The following RPS15A variants were observed in gnomAD, a reference collection of about 807,000 sequenced individuals.
RPS15A encodes the protein small ribosomal subunit protein uS8.
For missense variants in RPS15A, 62 were observed against 163.4 expected (o/e 0.38, Z 3.38); for synonymous variants, 55 against 58.5 (o/e 0.94, Z 0.27).
intron 1 of RPS15A, 45 bp from the exon 2 acceptor site, chr16:18,789,163 C>G: frequency 6.4e-7 from 1 of 1,567,536 alleles, no homozygotes; most frequent in South Asian, 1.2e-5. Context: ...GCATTGCCAA[C>G]ATCAACAGAC....
chr16:18,783,731 C>G (rs1039820118), intron 4 of RPS15A: 2 of 455,886 alleles, frequency 4.4e-6, no homozygotes, highest in Non-Finnish European at 8.8e-6. Flanking sequence ...CACAAAGATA[C>G]ACATTTACTG....
At chr16:18,788,943 T>A (rs368067259) in intron 2 of RPS15A, 38 bp downstream of exon 2, 46 of 1,591,444 alleles carry the variant, frequency 2.9e-5, no homozygotes, top group Non-Finnish European at 3.8e-5. Context: ...TTAGAGAGTC[T>A]CACATGAAAA....
In RPS15A at chr16:18,784,832, TAAC is replaced by T. The variant is rs762572023; in HGVS notation, c.214-12_214-10del. ...GGGCTGATCACCCCACACTATAAAA[TAAC>T]AACAACAACAAAAACATTCTTCACT... On this transcript the variant is annotated splice_polypyrimidine_tract_variant and intron_variant, in intron 3 of 4. Transcript: ENST00000322989. 1.8e-4 allele frequency: 288 copies of T among 1,585,296 alleles called. 1 individual carries two copies. The East Asian group carries it at 2.3e-3, about 13-fold the overall frequency.
At chr16:18,786,806 T>C (rs2029893267) in intron 3 of RPS15A, 1 of 152,092 alleles carries the variant, frequency 6.6e-6, no homozygotes, top group Non-Finnish European at 1.5e-5. Context: ...TCAATCCTAT[T>C]TTGAGGTGGG....
intron 4 of RPS15A, chr16:18,784,485 A>G (rs1904015733): frequency 2.6e-6 from 1 of 384,976 alleles, no homozygotes; most frequent in Non-Finnish European, 4.6e-6. Context: ...ACCTCAGGTG[A>G]TCCGCCTGCC....
chr16:18,784,206 G>C (rs1437644196), intron 4 of RPS15A: 1 of 153,258 alleles, frequency 6.5e-6, no homozygotes, highest in African/African-American at 2.4e-5. Context: ...CCGCACCTGT[G>C]AACAGCCACT....
At position 18,790,260 on chromosome 16, in the gene RPS15A, G is replaced by C. The variant is rs184339785; in HGVS notation, c.-22C>G. 6.6e-6 allele frequency: 1 copy of C among 152,358 alleles called. No homozygotes were observed. 9.4% of individuals were successfully genotyped at this position (152,358 alleles called of 1,614,324 possible). The stretch of plus-strand genomic sequence containing the variant: ...AGACCGAACCTTAGATTGCAGGATG[G>C]CGCCGATGGCAGACGGATGAAATTG... On this transcript the variant is annotated 5_prime_UTR_variant, in exon 1 of 5. Transcript: ENST00000322989.
At chr16:18,789,593 C>T (rs1445729836) in intron 1 of RPS15A, among the ~76,000 whole-genome samples, 1 of 152,208 alleles carries the variant, frequency 6.6e-6, no homozygotes, top group African/African-American at 2.4e-5. Context: ...TAAATCAGTT[C>T]ACTCTCACCT....
intron 3 of RPS15A, chr16:18,785,816 T>C: frequency 6.6e-6 from 1 of 152,198 alleles, no homozygotes; most frequent in Non-Finnish European, 1.5e-5. Context: ...GTGAAAGATC[T>C]TTCCAAAGTC....
rs1903981802 is a variant in RPS15A, at chr16:18,782,574, T to C, written c.*435A>G. On this transcript the variant is annotated 3_prime_UTR_variant, in exon 5 of 5. Transcript: ENST00000322989. ...CCTGTCTCTACTAAAATATAAAAAT[T>C]AGCCGGATGTGGCGACACACACTTG... 1.3e-5 allele frequency: 2 copies of C among 154,380 alleles called. No homozygotes were observed. The allele number at this position is 154,380 out of a possible 1,614,324, so 9.6% of individuals were successfully genotyped here.
chr16:18,784,115 C>A, intron 4 of RPS15A: 1 of 179,300 alleles, frequency 5.6e-6, no homozygotes, highest in Non-Finnish European at 1.2e-5. Context: ...CGGTGGCAGG[C>A]GCCTGTATTC....
chr16:18,786,284 GA>G, intron 3 of RPS15A: 1 of 195,518 alleles, frequency 5.1e-6, no homozygotes, highest in South Asian at 5.7e-5. Context: ...AGAATCGCTT[GA>G]ACCTGGGAGA....
intron 4 of RPS15A, chr16:18,783,580 T>C: frequency 4.5e-6 from 2 of 447,682 alleles, no homozygotes; most frequent in Non-Finnish European, 9.0e-6. Context: ...TATGCAAATG[T>C]GCGGCATTAA....
intron 1 of RPS15A, among the ~76,000 whole-genome samples, chr16:18,789,399 A>C (rs2029974978): frequency 6.6e-6 from 1 of 152,234 alleles, no homozygotes; most frequent in Non-Finnish European, 1.5e-5. Flanking sequence ...GTCTGGAGAT[A>C]ATAAAATGTG....
At position 18,784,930 on chromosome 16, in the gene RPS15A, A is replaced by T. The variant is rs74741331; in HGVS notation, c.214-107T>A. 2.2e-3 allele frequency: 1,831 copies of T among 836,132 alleles called. 33 individuals carry two copies. The African/African-American group carries it at 0.028, about 13-fold the overall frequency. 51.8% of individuals were successfully genotyped at this position (836,132 alleles called of 1,614,324 possible). On this transcript the variant is annotated intron_variant, in intron 3 of 4. Transcript: ENST00000322989. ...AATAAACAGTCCTCCAAACCAACCA[A>T]CCCAGCATTCAGATGGGTACTTATT... is the stretch of plus-strand genomic sequence containing the variant.
At position 18,782,938 on chromosome 16, in the gene RPS15A, G is replaced by T; in HGVS notation, c.*71C>A. 1.1e-6 allele frequency: 1 copy of T among 924,140 alleles called. No individual in the cohort carries two copies. The highest frequency in any genetic ancestry group is 1.4e-5 in the South Asian group (1 of 70,026). 57.2% of individuals were successfully genotyped at this position (924,140 alleles called of 1,614,324 possible). A position where few individuals can be genotyped will look rare whatever the true frequency, so the allele number is the denominator to read the frequency against. ...GAAGCTGTGGCTACACTGCTGTAAA[G>T]GCTCAAAACGACCAAGTGGAAGCAC... On this transcript the variant is annotated 3_prime_UTR_variant, in exon 5 of 5. Coordinates refer to ENST00000322989, the MANE Select transcript of RPS15A (RefSeq NM_001019.5).
intron 3 of RPS15A, among the ~76,000 whole-genome samples, chr16:18,787,117 C>T (rs1048497030): frequency 2.6e-5 from 4 of 152,218 alleles, no homozygotes; most frequent in Non-Finnish European, 5.9e-5. Flanking sequence ...CCTGCCTCAG[C>T]CTCCCAAAGT....
chr16:18,788,116 C>T lies in RPS15A; in HGVS notation c.160G>A (p.Asp54Asn), dbSNP rs1233881181. 1.2e-6 allele frequency: 2 copies of T among 1,612,136 alleles called. No individual in the cohort carries two copies. Among genetic ancestry groups the T allele is most frequent in the Non-Finnish European group, 1.7e-6 (2 of 1,178,614 alleles). ...HGYIGEFEII[D>N]DHRAGKIVVN... The stretch of plus-strand genomic sequence containing the variant: ...ACAATTTTCCCAGCTCTGTGGTCAT[C>T]AATGATTTCAAATTCGCCAATGTAA... Residue 54 changes from aspartate (D) to asparagine (N), a missense_variant, in exon 3 of 5, where the codon GAT becomes AAT. Transcript: ENST00000322989.
At position 18,788,982 on chromosome 16, in the gene RPS15A, A is replaced by G. The variant is rs2029959225; in HGVS notation, c.132T>C (p.His44=). ...AAAACACAGCGGCAGCAGACTTACC[A>G]TGCTTCATCATCACAGTGAGAAACC... The part of the protein sequence containing the change: ...IVRFLTVMMK[H]GYIGEFEIID... Residue 44 remains histidine (H), a splice_region_variant and synonymous_variant, in exon 2 of 5, where the codon CAT becomes CAC. Transcript: ENST00000322989. 1 of 1,611,888 alleles carries G rather than the reference A, an allele frequency of 6.2e-7. No homozygotes were observed. The highest frequency in any genetic ancestry group is 8.5e-7 in the Non-Finnish European group (1 of 1,179,326).
Sources: allele counts gnomAD v4.1 joint callset (sites outside exome capture counted in the v4.1 genomes callset), GRCh38; gene constraint gnomAD v4.1.1; transcripts MANE v1.5; gene names NCBI Gene and HGNC (gene_info 2026-07-23, HGNC 2026-07-21).